The following MRPL40 variants were observed in gnomAD, a reference collection of about 807,000 sequenced individuals.
The protein encoded by MRPL40 is mitochondrial ribosomal protein L40.
Under a neutral mutation model 24.5 loss-of-function variants are expected in MRPL40, and 18 were observed. The observed-to-expected ratio is 0.73, with a 90% CI of 0.51 to 1.09. The LOEUF is 1.09. Ranked by LOEUF, MRPL40 falls within the 50% of genes least tolerant of loss-of-function variation. MRPL40 has a pLI of 0.00. For missense variants in MRPL40, 256 were observed against 243.8 expected, an observed-to-expected ratio of 1.05 and a Z score of -0.33; for synonymous variants, 108 against 94.6, an observed-to-expected ratio of 1.14 and a Z score of -0.82.
intron 1 of MRPL40, 116 bp downstream of exon 1, chr22:19,432,723 A>G (rs1012686075): frequency 3.9e-5 from 54 of 1,397,664 alleles, no homozygotes; most frequent in Non-Finnish European, 4.9e-5. Flanking sequence ...CGAATATCTC[A>G]GGGATGAGCC....
rs1242087631 is a variant in MRPL40 at position 19,435,860 on chromosome 22, G to A, written c.519G>A (p.Lys173=). 6.2e-7 allele frequency: 1 copy of A among 1,614,004 alleles called. No homozygotes were observed. Among genetic ancestry groups the A allele is most frequent in the Non-Finnish European group, 8.5e-7 (1 of 1,180,036 alleles). The change falls in exon 4 of 4, where the codon AAG becomes AAA. Residue 173 remains lysine (K), a synonymous_variant. Coordinates refer to ENST00000333130, the MANE Select transcript of MRPL40 (RefSeq NM_003776.4). ...ATCCTAACCTGTTCCCCTTTGAGAA[G>A]GAAGGGCCACATTACACACCACCGA... is the stretch of plus-strand genomic sequence containing the variant. ...KRDPNLFPFE[K]EGPHYTPPIP...
intron 2 of MRPL40, 59 bp from the exon 3 acceptor site, chr22:19,434,677 C>G: frequency 1.4e-6 from 2 of 1,411,642 alleles, no homozygotes; most frequent in South Asian, 2.8e-5. Flanking sequence ...ACCATCTTGT[C>G]TCTCAGTAGG....
chr22:19,433,848 C>T (rs1190611334), intron 2 of MRPL40, among the ~76,000 whole-genome samples: 1 of 152,030 alleles, frequency 6.6e-6, no homozygotes, highest in African/African-American at 2.4e-5. Flanking sequence ...CTGCAACCTT[C>T]GCCTCCTGGG....
intron 2 of MRPL40, among the ~76,000 whole-genome samples, chr22:19,434,313 C>T (rs2089572421): frequency 1.3e-5 from 2 of 150,736 alleles, no homozygotes; most frequent in Middle Eastern, 3.5e-3. Flanking sequence ...ACCTCCGCCT[C>T]CCAGGCTCAA....
intron 2 of MRPL40, among the ~76,000 whole-genome samples, chr22:19,433,991 A>G (rs1271410105): frequency 6.6e-6 from 1 of 151,968 alleles, no homozygotes; most frequent in East Asian, 1.9e-4. Context: ...GCTGGTCTCG[A>G]ACTCCTGATC....
intron 2 of MRPL40, 31 bp downstream of exon 2, chr22:19,433,379 G>C (rs779017827): frequency 2.2e-6 from 3 of 1,335,016 alleles, no homozygotes; most frequent in South Asian, 2.4e-5. Flanking sequence ...TGACCTCTGG[G>C]GGTAAAGGTG....
In MRPL40 at chr22:19,433,341, C is replaced by A; in HGVS notation, c.130C>A (p.Pro44Thr). The change falls in exon 2 of 4, where the codon CCC (proline) becomes ACC (threonine). Residue 44 changes from proline (P) to threonine (T), a missense_variant. Transcript: ENST00000333130. ...ASLLSFWELI[P>T]MRSEPLRKKK... ...ATTGTTGTCTTTCTGGGAACTCATT[C>A]CCATGAGGTAAAACTCAATCGAGGG... The A allele has an allele frequency of 6.2e-7, 1 of 1,605,038 alleles. No homozygotes were observed. Among genetic ancestry groups the A allele is most frequent in the South Asian group, 1.1e-5 (1 of 90,846 alleles).
intron 2 of MRPL40, among the ~76,000 whole-genome samples, chr22:19,434,298 C>T (rs1157228379): frequency 1.4e-5 from 2 of 141,376 alleles, no homozygotes; most frequent in Non-Finnish European, 3.0e-5. Context: ...TCTTGTCCTA[C>T]TGCAACCTCC....
intron 2 of MRPL40, among the ~76,000 whole-genome samples, chr22:19,434,216 CTTTTTT>C (rs35856980): frequency 0.024 from 2,043 of 85,412 alleles, 56 homozygotes; most frequent in African/African-American, 0.1. Flanking sequence ...TGCTTTTGTA[CTTTTTT>C]TTTTTTTTTT....
rs1432478491 is a variant in MRPL40 at position 19,432,591 on chromosome 22, C to A, written c.37C>A (p.Leu13Met). Residue 13 changes from leucine (L) to methionine (M), a missense_variant, in exon 1 of 4, where the codon CTG becomes ATG. Physicochemically the swap from Leu to Met is conservative, Grantham distance 15 (BLOSUM62 2). Transcript: ENST00000333130. ...ASVLRSISLA[L>M]RPTSGLLGTW... is the part of the protein sequence containing the mutation. ...CGTGCTGCGAAGTATCTCGCTAGCCCTGCGCCCGACTAGCGGGTGAGTGCG... is the reference window on the plus strand; with the variant it reads ...CGTGCTGCGAAGTATCTCGCTAGCCATGCGCCCGACTAGCGGGTGAGTGCG... 1.3e-6 allele frequency: 2 copies of A among 1,554,226 alleles called. No homozygotes were observed. Among genetic ancestry groups the A allele is most frequent in the Non-Finnish European group, 1.7e-6 (2 of 1,150,290 alleles).
chr22:19,432,952 C>G, intron 1 of MRPL40: 1 of 1,042,814 alleles, frequency 9.6e-7, no homozygotes, highest in Middle Eastern at 3.6e-4. Context: ...TTATTTGAGA[C>G]AGAGTCTCGC....
chr22:19,433,040 C>T (rs3747063), intron 1 of MRPL40: 14,248 of 542,624 alleles, frequency 0.026, 642 homozygotes, highest in East Asian at 0.12. Flanking sequence ...AGCAGTTCTG[C>T]CCCGGCCTCC....
chr22:19,435,918 A>G lies in MRPL40; in HGVS notation c.577A>G (p.Asn193Asp). The G allele has an allele frequency of 1.2e-6, 2 of 1,614,172 alleles. No homozygotes were observed. Among genetic ancestry groups the G allele is most frequent in the South Asian group, 1.1e-5 (1 of 91,086 alleles). ...PNYQPPEGRY[N>D]DITKVYTQVE... ...CTACCAACCCCCTGAAGGCAGGTACAATGACATCACCAAGGTGTACACACA... is the reference window on the plus strand; with the variant it reads ...CTACCAACCCCCTGAAGGCAGGTACGATGACATCACCAAGGTGTACACACA... Residue 193 changes from asparagine to aspartate, a missense_variant, in exon 4 of 4, where the codon AAT (asparagine) becomes GAT (aspartate). By Grantham distance (23) the Asn-to-Asp change is conservative. Coordinates refer to ENST00000333130, the MANE Select transcript of MRPL40 (RefSeq NM_003776.4).
intron 3 of MRPL40, 130 bp from the exon 4 acceptor site, chr22:19,435,508 A>T (rs2089581316): frequency 1.2e-6 from 1 of 847,036 alleles, no homozygotes; most frequent in Non-Finnish European, 1.9e-6. Flanking sequence ...TCAACATTCC[A>T]TTTCTTAATT....
intron 1 of MRPL40, 128 bp downstream of exon 1, chr22:19,432,735 T>C (rs2089555131): frequency 7.0e-7 from 1 of 1,419,226 alleles, no homozygotes; most frequent in Non-Finnish European, 9.2e-7. Flanking sequence ...GGATGAGCCA[T>C]CTGGTCGTGA....
At chr22:19,434,998 G>C (rs1310728750) in intron 3 of MRPL40, 104 bp downstream of exon 3, 1 of 1,045,536 alleles carries the variant, frequency 9.6e-7, no homozygotes. Flanking sequence ...TTGGTCAGTA[G>C]GCTTGAGCTG....
chr22:19,435,461 C>G (rs2089580943), intron 3 of MRPL40, among the ~76,000 whole-genome samples, 177 bp from the exon 4 acceptor site: 1 of 152,162 alleles, frequency 6.6e-6, no homozygotes, highest in Admixed American at 6.5e-5. Context: ...GAGCAAATGA[C>G]CTTGGTTCCA....
intron 3 of MRPL40, 97 bp from the exon 4 acceptor site, chr22:19,435,541 C>G (rs2089581387): frequency 1.7e-6 from 2 of 1,185,660 alleles, no homozygotes; most frequent in African/African-American, 1.5e-5. Context: ...GTTTTATCTC[C>G]TAAGTCCTGT....
chr22:19,434,637 C>G (rs2089574869), intron 2 of MRPL40, 99 bp from the exon 3 acceptor site: 2 of 953,050 alleles, frequency 2.1e-6, no homozygotes, highest in Non-Finnish European at 3.1e-6. Flanking sequence ...CAGCTCCTTC[C>G]CCCAGTGGAG....
Sources: gnomAD v4.1 joint callset for allele counts (sites outside exome capture counted in the v4.1 genomes callset) on GRCh38, gnomAD v4.1.1 for gene constraint, MANE v1.5 for transcripts, NCBI Gene and HGNC (gene_info 2026-07-23, HGNC 2026-07-21) for gene names.